The following GKAP1 variants were observed in gnomAD, a reference collection of about 807,000 sequenced individuals.
The protein encoded by GKAP1 is G kinase anchoring protein 1.
Under a neutral mutation model 56.7 loss-of-function variants are expected in GKAP1, and 31 were observed. The ratio of observed to expected loss-of-function variants is 0.55; its 90% CI spans 0.41 to 0.74. The LOEUF (loss-of-function observed/expected upper bound fraction) is 0.74. GKAP1 is among the 30% of genes least tolerant of loss of function. GKAP1 has a pLI of 0.00. For synonymous variants in GKAP1, 151 were observed against 138.6 expected (o/e 1.09, Z -0.63); for missense variants, 364 against 402.3 (o/e 0.90, Z 0.82).
intron 2 of GKAP1, among the ~76,000 whole-genome samples, chr9:83,811,166 G>A (rs1587745465): frequency 6.6e-6 from 1 of 152,326 alleles, no homozygotes; most frequent in East Asian, 1.9e-4. Context: ...AGGCATAGGA[G>A]AATTGGTACA....
chr9:83,800,688 A>G (rs1944318356), intron 3 of GKAP1, among the ~76,000 whole-genome samples: 1 of 152,178 alleles, frequency 6.6e-6, no homozygotes, highest in Admixed American at 6.5e-5. Context: ...CTCCATACAT[A>G]GTGAACTGTA....
At chr9:83,802,306 C>T (rs997293002) in intron 3 of GKAP1, among the ~76,000 whole-genome samples, 16 of 151,970 alleles carry the variant, frequency 1.1e-4, no homozygotes, top group African/African-American at 3.9e-4. Context: ...TTGTGAAACC[C>T]CATCTCTACT....
intron 10 of GKAP1, among the ~76,000 whole-genome samples, chr9:83,744,529 C>T (rs191773792): frequency 5.5e-4 from 83 of 152,292 alleles, no homozygotes; most frequent in African/African-American, 1.8e-3. Context: ...AGGTAAAGTG[C>T]CATATTTATG....
At chr9:83,809,543 G>A (rs1944480352) in intron 2 of GKAP1, among the ~76,000 whole-genome samples, 1 of 152,250 alleles carries the variant, frequency 6.6e-6, no homozygotes, top group Admixed American at 6.5e-5. Flanking sequence ...TAAACAGCAA[G>A]GCACACAGTA....
chr9:83,758,867 C>A (rs1035519368), intron 8 of GKAP1, among the ~76,000 whole-genome samples: 2 of 152,042 alleles, frequency 1.3e-5, no homozygotes, highest in African/African-American at 4.8e-5. Flanking sequence ...AGCAGAAGAG[C>A]TTTCTTTCTC....
chr9:83,771,071 TTC>T (rs766376714), intron 7 of GKAP1, among the ~76,000 whole-genome samples: 1 of 152,082 alleles, frequency 6.6e-6, no homozygotes, highest in Non-Finnish European at 1.5e-5. Context: ...ATGTCCCACA[TTC>T]TCTTTTTTTT....
At chr9:83,784,913 T>G in intron 5 of GKAP1, 75 bp from the exon 6 acceptor site, 1 of 1,153,252 alleles carries the variant, frequency 8.7e-7, no homozygotes, top group Non-Finnish European at 1.2e-6. Context: ...GTAATATGTT[T>G]CTTAAAGTTT....
chr9:83,804,313 C>A (rs1944391014), intron 3 of GKAP1, among the ~76,000 whole-genome samples: 2 of 145,488 alleles, frequency 1.4e-5, no homozygotes, highest in Non-Finnish European at 3.0e-5. Context: ...GGTCAGCACC[C>A]CGCCCGGCCA....
At chr9:83,785,141 C>T (rs1266295259) in intron 5 of GKAP1, among the ~76,000 whole-genome samples, 1 of 152,074 alleles carries the variant, frequency 6.6e-6, no homozygotes, top group African/African-American at 2.4e-5. Flanking sequence ...CTGCCTCATC[C>T]CACTGAAATC....
At chr9:83,767,788 G>T (rs1354796276) in intron 8 of GKAP1, among the ~76,000 whole-genome samples, 1 of 152,210 alleles carries the variant, frequency 6.6e-6, no homozygotes, top group African/African-American at 2.4e-5. Context: ...CTGGGTTCAA[G>T]CAATTCTCGT....
At chr9:83,772,558 T>G (rs1372451843) in intron 7 of GKAP1, among the ~76,000 whole-genome samples, 1 of 152,092 alleles carries the variant, frequency 6.6e-6, no homozygotes, top group Non-Finnish European at 1.5e-5. Context: ...GATAACAATT[T>G]AAAACTTTTG....
intron 5 of GKAP1, among the ~76,000 whole-genome samples, chr9:83,786,541 C>CA (rs57485843): frequency 2.1e-4 from 28 of 135,160 alleles, no homozygotes; most frequent in Middle Eastern, 3.8e-3. Flanking sequence ...AACTCTGTCT[C>CA]AAAAAAAAAA....
At chr9:83,767,225 G>A (rs1022103565) in intron 8 of GKAP1, among the ~76,000 whole-genome samples, 7 of 152,222 alleles carry the variant, frequency 4.6e-5, no homozygotes, top group African/African-American at 1.7e-4. Context: ...GGTATGAGGA[G>A]AGAAAGCATC....
intron 7 of GKAP1, among the ~76,000 whole-genome samples, chr9:83,769,736 C>A (rs1406851219): frequency 1.3e-5 from 2 of 152,128 alleles, no homozygotes; most frequent in African/African-American, 4.8e-5. Flanking sequence ...GGGTATATAC[C>A]TAAGAGTAGA....
chr9:83,781,313 G>A (rs1943967828), intron 6 of GKAP1, among the ~76,000 whole-genome samples: 1 of 152,176 alleles, frequency 6.6e-6, no homozygotes, highest in South Asian at 2.1e-4. Context: ...CAGAGAGCCA[G>A]GATCATGCTA....
At chr9:83,750,429 C>G (rs1031095176) in intron 9 of GKAP1, among the ~76,000 whole-genome samples, 1 of 152,288 alleles carries the variant, frequency 6.6e-6, no homozygotes, top group South Asian at 2.1e-4. Context: ...TTCCCCAAAT[C>G]AGTCAAAGAC....
Position 83,768,732 on chromosome 9 carries a change from T to C in GKAP1, c.738+86A>G, listed in dbSNP as rs1040710830. ...AAACTACTACTTTATACAATCATAATTTGATTCTACTGCTTACTTGTTTAA... is the reference window on the plus strand; with the variant it reads ...AAACTACTACTTTATACAATCATAACTTGATTCTACTGCTTACTTGTTTAA... On this transcript the variant is annotated intron_variant, in intron 8 of 12. Transcript: ENST00000376371. 2.4e-5 allele frequency: 27 copies of C among 1,126,056 alleles called. No individual in the cohort carries two copies. In the African/African-American group the frequency reaches 3.9e-4, roughly 16 times the overall value. The allele number at this position is 1,126,056 out of a possible 1,614,324, so 69.8% of individuals were successfully genotyped here.
intron 9 of GKAP1, among the ~76,000 whole-genome samples, chr9:83,750,794 C>G (rs1000532481): frequency 6.6e-6 from 1 of 152,024 alleles, no homozygotes; most frequent in African/African-American, 2.4e-5. Context: ...TAATAATTAT[C>G]ATGTCACTTA....
At chr9:83,802,015 A>G (rs545256497) in intron 3 of GKAP1, among the ~76,000 whole-genome samples, 2 of 152,254 alleles carry the variant, frequency 1.3e-5, no homozygotes, top group Non-Finnish European at 2.9e-5. Context: ...TCATTAAATA[A>G]TAAAAAGAAA....
Sources: gnomAD v4.1 joint callset for allele counts (sites outside exome capture counted in the v4.1 genomes callset) on GRCh38, gnomAD v4.1.1 for gene constraint, MANE v1.5 for transcripts, NCBI Gene and HGNC (gene_info 2026-07-23, HGNC 2026-07-21) for gene names.